Variants in PARP12 observed in about 807,000 individuals in gnomAD.
The protein encoded by PARP12 is poly(ADP-ribose) polymerase family member 12, also known as protein mono-ADP-ribosyltransferase PARP12.
In PARP12, 59 loss-of-function variants were observed where a neutral mutation model predicts 72.4. That is an observed-to-expected ratio of 0.81 (90% CI 0.66 to 1.01). PARP12 has a LOEUF of 1.01. Ranked by LOEUF, PARP12 falls within the 50% of genes least tolerant of loss-of-function variation. The pLI, the probability that PARP12 is intolerant of heterozygous loss-of-function variation, is 0.00. For missense variants in PARP12, 851 were observed against 914.0 expected (o/e 0.93, Z 0.89); for synonymous variants, 403 against 371.4 (o/e 1.09, Z -0.98).
chr7:140,033,355 A>G (rs570478277), intron 8 of PARP12: 2 of 985,434 alleles, frequency 2.0e-6, no homozygotes, highest in Admixed American at 6.1e-5. Context: ...TCACAAAACA[A>G]AAGAACCAAA....
At chr7:140,058,362 T>C (rs915853129) in intron 1 of PARP12, among the ~76,000 whole-genome samples, 2 of 151,946 alleles carry the variant, frequency 1.3e-5, no homozygotes, top group Non-Finnish European at 2.9e-5. Context: ...ATATAAAAAA[T>C]TAGCGGGGCG....
intron 8 of PARP12, 141 bp downstream of exon 8, chr7:140,034,094 A>C (rs1816048733): frequency 9.6e-6 from 13 of 1,357,110 alleles, no homozygotes; most frequent in Non-Finnish European, 1.2e-5. Context: ...AGTAGAAGAC[A>C]AACGATAACA....
At chr7:140,042,100 CTT>C (rs1242781120) in intron 5 of PARP12, among the ~76,000 whole-genome samples, 1 of 152,094 alleles carries the variant, frequency 6.6e-6, no homozygotes, top group Non-Finnish European at 1.5e-5. Context: ...TGAAATCATT[CTT>C]TTTTAAAATT....
Position 140,056,906 on chromosome 7 carries a change from C to A in PARP12, c.710G>T (p.Ser237Ile). The stretch of plus-strand genomic sequence containing the variant: ...AGGAGGCACTCTGCTGGGGGCAGAG[C>A]TCTTATTCTTGATGTCATGTGCATT... Reference protein sequence around the residue: ...YRNAHDIKNKSSAPSRVPPLF... With the variant: ...YRNAHDIKNKISAPSRVPPLF... The change falls in exon 3 of 12, where the codon AGC becomes ATC. Residue 237 changes from serine (S) to isoleucine (I), a missense_variant. Physicochemically the swap from Ser to Ile is moderately radical, Grantham distance 142. Coordinates refer to ENST00000263549, the MANE Select transcript of PARP12 (RefSeq NM_022750.4). 6.2e-7 allele frequency: 1 copy of A among 1,613,368 alleles called. No individual in the cohort carries two copies. Among genetic ancestry groups the A allele is most frequent in the Non-Finnish European group, 8.5e-7 (1 of 1,179,974 alleles).
chr7:140,062,457 G>T, intron 1 of PARP12, 65 bp downstream of exon 1: 3 of 1,434,816 alleles, frequency 2.1e-6, no homozygotes, highest in Non-Finnish European at 2.8e-6. Flanking sequence ...ACCCCCAAGC[G>T]GGCTGGAAGT....
intron 8 of PARP12, among the ~76,000 whole-genome samples, chr7:140,032,918 C>T (rs986201621): frequency 6.6e-5 from 10 of 152,160 alleles, no homozygotes; most frequent in African/African-American, 2.2e-4. Context: ...CTTTTAATCA[C>T]GTGAAGGTTT....
chr7:140,031,139 A>G (rs938179987), intron 8 of PARP12, among the ~76,000 whole-genome samples: 1 of 152,204 alleles, frequency 6.6e-6, no homozygotes, highest in Non-Finnish European at 1.5e-5. Context: ...AGAAAAGAAA[A>G]AATAAGACCC....
chr7:140,061,394 C>T (rs761694054), intron 1 of PARP12, among the ~76,000 whole-genome samples: 1 of 152,196 alleles, frequency 6.6e-6, no homozygotes, highest in Non-Finnish European at 1.5e-5. Flanking sequence ...GGCCCCCACC[C>T]CATGCTCACT....
Position 140,041,816 on chromosome 7 carries a change from C to T in PARP12, c.1010G>A (p.Ser337Asn), listed in dbSNP as rs372775000. 1 of 1,613,940 alleles carries T rather than the reference C, an allele frequency of 6.2e-7. No individual in the cohort carries two copies. Among genetic ancestry groups the T allele is most frequent in the East Asian group, 2.2e-5 (1 of 44,878 alleles). ...IERILCSESA[S>N]TFHSHCLNFN... is the part of the protein sequence containing the mutation. Reference sequence around the variant, plus strand: ...GTTCAGACAATGAGAGTGAAAGGTACTGGCTGACTCAGAGCACAGGATCCT... The same window carrying T: ...GTTCAGACAATGAGAGTGAAAGGTATTGGCTGACTCAGAGCACAGGATCCT... The change falls in exon 6 of 12, where the codon AGT becomes AAT. Residue 337 changes from serine (S) to asparagine (N), a missense_variant. Physicochemically the swap from Ser to Asn is conservative, Grantham distance 46. Transcript: ENST00000263549.
chr7:140,036,674 A>G (rs1362933870), intron 7 of PARP12, among the ~76,000 whole-genome samples: 1 of 152,204 alleles, frequency 6.6e-6, no homozygotes, highest in African/African-American at 2.4e-5. Context: ...TGTTTAAAGG[A>G]AGGCCCACTT....
chr7:140,057,966 A>G lies in PARP12; in HGVS notation c.395T>C (p.Val132Ala), dbSNP rs770825048. The G allele has an allele frequency of 5.6e-6, 9 of 1,614,130 alleles. No individual in the cohort carries two copies. The highest frequency in any genetic ancestry group is 2.2e-5 in the East Asian group (1 of 44,900). ...HNLSVLRTHG[V>A]DHLSYNELCQ... is the part of the protein sequence containing the mutation. ...TAGCTCATTATAGCTCAGGTGGTCA[A>G]CGCCATGAGTTCTCAGCACACTCAG... The change falls in exon 2 of 12, where the codon GTT becomes GCT. Residue 132 changes from valine to alanine, a missense_variant. Coordinates refer to ENST00000263549, the MANE Select transcript of PARP12 (RefSeq NM_022750.4).
chr7:140,041,064 G>A (rs192594983), intron 6 of PARP12, among the ~76,000 whole-genome samples: 37 of 152,276 alleles, frequency 2.4e-4, no homozygotes, highest in Admixed American at 2.2e-3. Context: ...CACCACGCCC[G>A]GCCTAAACTT....
intron 9 of PARP12, 78 bp from the exon 10 acceptor site, chr7:140,027,484 A>C: frequency 6.5e-7 from 1 of 1,549,952 alleles, no homozygotes; most frequent in Non-Finnish European, 8.8e-7. Context: ...AGCTTCTTGT[A>C]AACACTAGAA....
rs562425121 is a variant in PARP12, at chr7:140,027,126, C to T, written c.1628+150G>A. Reference sequence around the variant, plus strand: ...GTGCTACCACACTGCCCTGGGGGAGCGGACGAAGGAGAGCAGACACACAGC... The same window carrying T: ...GTGCTACCACACTGCCCTGGGGGAGTGGACGAAGGAGAGCAGACACACAGC... On this transcript the variant is annotated intron_variant, in intron 10 of 11. Transcript: ENST00000263549. 253 of 1,097,314 alleles carry T rather than the reference C, an allele frequency of 2.3e-4. 3 individuals are homozygous for T. In the African/African-American group the frequency reaches 3.3e-3, roughly 14 times the overall value. The allele number at this position is 1,097,314 out of a possible 1,614,324, so 68.0% of individuals were successfully genotyped here. A position where few individuals can be genotyped will look rare whatever the true frequency, so the allele number is the denominator to read the frequency against.
At chr7:140,033,603 A>C (rs937552157) in intron 8 of PARP12, 5 of 985,182 alleles carry the variant, frequency 5.1e-6, no homozygotes, top group Non-Finnish European at 6.0e-6. Context: ...CCACCTCCCC[A>C]AGCCTAAAAT....
intron 11 of PARP12, 47 bp from the exon 12 acceptor site, chr7:140,024,932 G>A (rs1815675338): frequency 1.3e-6 from 2 of 1,570,710 alleles, no homozygotes; most frequent in African/African-American, 1.3e-5. Flanking sequence ...CCTGCAGCCA[G>A]GAAGGGTCAG....
At chr7:140,036,285 T>C (rs756080694) in intron 7 of PARP12, among the ~76,000 whole-genome samples, 10 of 152,216 alleles carry the variant, frequency 6.6e-5, no homozygotes, top group Non-Finnish European at 1.3e-4. Flanking sequence ...TATTCCAGAT[T>C]GCTGTCAGCA....
chr7:140,025,115 T>A (rs945068766), intron 11 of PARP12: 2 of 551,276 alleles, frequency 3.6e-6, no homozygotes, highest in East Asian at 3.1e-5. Flanking sequence ...CAAACTGAGA[T>A]AGCAAATTCC....
intron 6 of PARP12, among the ~76,000 whole-genome samples, chr7:140,040,851 C>A (rs188929007): frequency 1.2e-4 from 18 of 152,312 alleles, no homozygotes; most frequent in Non-Finnish European, 2.2e-4. Flanking sequence ...GCAACCTCTG[C>A]CTCCCGGGTT....
Sources: allele counts gnomAD v4.1 joint callset (sites outside exome capture counted in the v4.1 genomes callset), GRCh38; gene constraint gnomAD v4.1.1; transcripts MANE v1.5; gene names NCBI Gene and HGNC (gene_info 2026-07-23, HGNC 2026-07-21).